The following DYSF variants were observed in gnomAD, a reference collection of about 807,000 sequenced individuals.
DYSF encodes dysferlin.
Under a neutral mutation model 274.9 loss-of-function variants are expected in DYSF, and 212 were observed. The observed-to-expected ratio is 0.77, with a 90% CI of 0.69 to 0.86. The LOEUF (loss-of-function observed/expected upper bound fraction) is 0.86. Among genes scored for constraint, DYSF ranks in the 40% least tolerant of loss-of-function variants. The pLI, the probability that DYSF is intolerant of heterozygous loss-of-function variation, is 0.00. For synonymous variants in DYSF, 1,091 were observed against 1,078.7 expected (o/e 1.01, Z -0.22); for missense variants, 2,666 against 2,783.2 (o/e 0.96, Z 0.95).
intron 29 of DYSF, among the ~76,000 whole-genome samples, chr2:71,571,246 C>T (rs1484638277): frequency 3.4e-5 from 5 of 146,858 alleles, no homozygotes; most frequent in African/African-American, 1.3e-4. Flanking sequence ...CAGATCACAC[C>T]CAACACACCC....
At chr2:71,661,303 A>G (rs2094877519) in intron 45 of DYSF, among the ~76,000 whole-genome samples, 1 of 151,874 alleles carries the variant, frequency 6.6e-6, no homozygotes, top group Admixed American at 6.6e-5. Flanking sequence ...GTAACCCCTT[A>G]CTCAATTTCC....
intron 13 of DYSF, 75 bp from the exon 14 acceptor site, chr2:71,528,223 A>G: frequency 7.4e-7 from 1 of 1,346,976 alleles, no homozygotes; most frequent in South Asian, 1.2e-5. Flanking sequence ...GACTGCCTGG[A>G]GACAGATGGG....
At chr2:71,625,782 T>A (rs2094197280) in intron 41 of DYSF, among the ~76,000 whole-genome samples, 1 of 152,094 alleles carries the variant, frequency 6.6e-6, no homozygotes, top group African/African-American at 2.4e-5. Context: ...ACCATGAACA[T>A]AATATATCTT....
intron 5 of DYSF, 97 bp from the exon 6 acceptor site, chr2:71,513,143 G>C (rs2086270941): frequency 1.7e-6 from 2 of 1,181,296 alleles, no homozygotes; most frequent in Non-Finnish European, 2.5e-6. Flanking sequence ...GGGGTGGGCG[G>C]GGAAGGCAGG....
chr2:71,649,240 A>G (rs1386693615), intron 42 of DYSF, among the ~76,000 whole-genome samples: 1 of 152,142 alleles, frequency 6.6e-6, no homozygotes, highest in Non-Finnish European at 1.5e-5. Flanking sequence ...TGTAAATATC[A>G]TATATACTGA....
At chr2:71,594,708 A>G (rs1281260555) in intron 32 of DYSF, among the ~76,000 whole-genome samples, 1 of 151,926 alleles carries the variant, frequency 6.6e-6, no homozygotes, top group African/African-American at 2.4e-5. Context: ...TGGTGTGTTT[A>G]CCCTTGCCAT....
At chr2:71,551,565 C>T (rs747021144) in intron 18 of DYSF, 42 bp from the exon 19 acceptor site, 47 of 1,545,556 alleles carry the variant, frequency 3.0e-5, no homozygotes, top group African/African-American at 4.1e-5. Flanking sequence ...CCCCTCCTCC[C>T]CTCTGTCTCC....
At chr2:71,678,116 T>C (rs1423609021) in intron 52 of DYSF, among the ~76,000 whole-genome samples, 2 of 152,194 alleles carry the variant, frequency 1.3e-5, no homozygotes, top group African/African-American at 2.4e-5. Flanking sequence ...AAATACAAAA[T>C]TTTTTTCATA....
intron 45 of DYSF, 50 bp from the exon 46 acceptor site, chr2:71,664,218 C>G: frequency 6.2e-7 from 1 of 1,612,430 alleles, no homozygotes; most frequent in Non-Finnish European, 8.5e-7. Context: ...CCCTGCCTGT[C>G]CCTTGGGTGC....
chr2:71,550,907 C>A, intron 17 of DYSF, 134 bp from the exon 18 acceptor site: 1 of 737,684 alleles, frequency 1.4e-6, no homozygotes, highest in Non-Finnish European at 2.4e-6. Context: ...TCTTTATACA[C>A]TGACAGGAGC....
chr2:71,638,809 G>A (rs1277794976), intron 41 of DYSF, among the ~76,000 whole-genome samples: 1 of 152,112 alleles, frequency 6.6e-6, no homozygotes, highest in African/African-American at 2.4e-5. Context: ...ACAAGTTTTT[G>A]TGTAGACATA....
At chr2:71,580,212 C>T (rs575772702) in intron 30 of DYSF, among the ~76,000 whole-genome samples, 33 of 152,334 alleles carry the variant, frequency 2.2e-4, no homozygotes, top group African/African-American at 7.7e-4. Context: ...CTTGGCAGTC[C>T]TGGGGCAGTC....
In DYSF at chr2:71,497,413, C is replaced by T. The variant is rs141060652; in HGVS notation, c.240-5801C>T. Reference sequence around the variant, plus strand: ...ATTGAATCATGGGGACAGTTATCTTCACCCGGTTCTCGTGATCTGAGGTTT... The same window carrying T: ...ATTGAATCATGGGGACAGTTATCTTTACCCGGTTCTCGTGATCTGAGGTTT... On this transcript the variant is annotated intron_variant, in intron 3 of 55. Transcript: ENST00000410020. Among the ~76,000 whole-genome samples the T allele has an allele frequency of 2.3e-3, 348 of 152,292 alleles. 4 individuals carry two copies. The highest frequency in any genetic ancestry group is 8.1e-3 in the African/African-American group (338 of 41,550).
chr2:71,644,172 A>G (rs947279414), intron 42 of DYSF, 109 bp downstream of exon 42: 9 of 984,528 alleles, frequency 9.1e-6, no homozygotes, highest in Non-Finnish European at 1.4e-5. Context: ...TTGTCTCCTC[A>G]TTCGGTGTCT....
intron 47 of DYSF, 116 bp downstream of exon 47, chr2:71,665,420 GTGGGT>G: frequency 7.2e-7 from 1 of 1,391,906 alleles, no homozygotes; most frequent in Non-Finnish European, 1.0e-6. Context: ...GCAGCAGGCT[GTGGGT>G]CTCTCCAGGG....
At chr2:71,559,318 G>A (rs1462099763) in intron 22 of DYSF, among the ~76,000 whole-genome samples, 1 of 152,182 alleles carries the variant, frequency 6.6e-6, no homozygotes, top group Non-Finnish European at 1.5e-5. Context: ...GGAAACCTGA[G>A]CCAGCTCTGA....
At chr2:71,669,339 G>A (rs182903531) in intron 50 of DYSF, 132 bp downstream of exon 50, 271 of 916,938 alleles carry the variant, frequency 3.0e-4, no homozygotes, top group Non-Finnish European at 4.2e-4. Flanking sequence ...GGCTCCTGGG[G>A]GTGGTCCCTG....
Position 71,623,712 on chromosome 2 carries a change from G to A in DYSF, c.4527+3103G>A, listed in dbSNP as rs1460032544. On this transcript the variant is annotated intron_variant, in intron 41 of 55. Transcript: ENST00000410020. ...AATCTGAGTGTAGAGTCCTCTTAAA[G>A]TTTAAGATGCCCTTCCACCTTTTAT... 5.3e-5 allele frequency among the ~76,000 whole-genome samples: 8 copies of A among 151,968 alleles called. No homozygotes were observed. In the South Asian group the frequency reaches 6.2e-4, roughly 12 times the overall value.
rs772651879 is a variant in DYSF at position 71,682,514 on chromosome 2, G to A, written c.6174-16G>A. 34 of 1,613,948 alleles carry A rather than the reference G, an allele frequency of 2.1e-5. 1 individual carries two copies. Among genetic ancestry groups the A allele is most frequent in the South Asian group, 1.3e-4 (12 of 91,078 alleles). ...AGTAAAGGATGCCCAGTTGACCTCCGGGATCTCGCTTCCAGGCGCCCCGAC... is the reference window on the plus strand; with the variant it reads ...AGTAAAGGATGCCCAGTTGACCTCCAGGATCTCGCTTCCAGGCGCCCCGAC... On this transcript the variant is annotated splice_polypyrimidine_tract_variant and intron_variant, in intron 54 of 55. Transcript: ENST00000410020.
Sources: gnomAD v4.1 joint callset for allele counts (sites outside exome capture counted in the v4.1 genomes callset) on GRCh38, gnomAD v4.1.1 for gene constraint, MANE v1.5 for transcripts, NCBI Gene and HGNC (gene_info 2026-07-23, HGNC 2026-07-21) for gene names.